AUNIP: variants seen among roughly 807,000 people sequenced by gnomAD.
The protein encoded by AUNIP is aurora kinase A and ninein interacting protein.
In AUNIP, 16 loss-of-function variants were observed where a neutral mutation model predicts 12.2. The observed-to-expected ratio is 1.31, with a 90% CI of 0.88 to 1.99. The LOEUF (loss-of-function observed/expected upper bound fraction) is 1.99. Among genes scored for constraint, AUNIP ranks in the 30% most tolerant of loss-of-function variants. The pLI, the probability that AUNIP is intolerant of heterozygous loss-of-function variation, is 0.00. For synonymous variants in AUNIP, 142 were observed against 154.8 expected (o/e 0.92, Z 0.61); for missense variants, 411 against 419.1 (o/e 0.98, Z 0.17).
intron 1 of AUNIP, among the ~76,000 whole-genome samples, chr1:25,858,710 G>A (rs1047703494): frequency 6.6e-6 from 1 of 152,194 alleles, no homozygotes; most frequent in South Asian, 2.1e-4. Flanking sequence ...CACATATAAC[G>A]CATATTCAGT....
downstream of AUNIP, among the ~76,000 whole-genome samples, chr1:25,833,588 A>G (rs899356874): frequency 6.6e-6 from 1 of 152,066 alleles, no homozygotes; most frequent in African/African-American, 2.4e-5. Flanking sequence ...TCATCTCTAC[A>G]AAATATTTTA....
In AUNIP at chr1:25,835,798, C is replaced by T. The variant is rs768357310; in HGVS notation, c.269G>A (p.Ser90Asn). 5 of 1,614,152 alleles carry T rather than the reference C, an allele frequency of 3.1e-6. No homozygotes were observed. In the South Asian group the frequency reaches 4.4e-5, roughly 14 times the overall value. The change falls in exon 3 of 3, where the codon AGT becomes AAT. Residue 90 changes from serine to asparagine, a missense_variant. Coordinates refer to ENST00000374298, the MANE Select transcript of AUNIP (RefSeq NM_024037.3). ...DQKSVSSHTE[S>N]QINKESKKNA... ...TTTCTTGGACTCTTTGTTGATCTGA[C>T]TTTCTGTATGAGATGAAACACTCTT... is the stretch of plus-strand genomic sequence containing the variant.
chr1:25,832,080 T>C (rs768007186), downstream of AUNIP: 3 of 1,613,458 alleles, frequency 1.9e-6, no homozygotes, highest in Non-Finnish European at 2.5e-6. Context: ...CTTCAATAGC[T>C]GCCTTCCTCA....
chr1:25,844,866 A>C (rs2048371480), intron 1 of AUNIP, among the ~76,000 whole-genome samples: 1 of 152,156 alleles, frequency 6.6e-6, no homozygotes, highest in Admixed American at 6.5e-5. Flanking sequence ...CCCAGCATTA[A>C]TTTGATGACA....
chr1:25,833,119 C>A (rs955088596), downstream of AUNIP, among the ~76,000 whole-genome samples: 10 of 151,974 alleles, frequency 6.6e-5, no homozygotes, highest in African/African-American at 2.4e-4. Context: ...GCCCTATACT[C>A]TTTTTCTTTT....
Position 25,835,179 on chromosome 1 carries a change from C to T in AUNIP, c.888G>A (p.Arg296=). Reference sequence around the variant, plus strand: ...GAGCTCTAGTGTTGTGGGCAATGACCCGCTGGCCTTGAGAATCTTCAGTGA... The same window carrying T: ...GAGCTCTAGTGTTGTGGGCAATGACTCGCTGGCCTTGAGAATCTTCAGTGA... The part of the protein sequence containing the change: ...QLFTEDSQGQ[R]VIAHNTRAPF... Residue 296 remains arginine (R), a synonymous_variant, in exon 3 of 3, where the codon CGG becomes CGA. Coordinates refer to ENST00000374298, the MANE Select transcript of AUNIP (RefSeq NM_024037.3). The T allele has an allele frequency of 6.2e-7, 1 of 1,614,186 alleles. No individual in the cohort carries two copies. Among genetic ancestry groups the T allele is most frequent in the East Asian group, 2.2e-5 (1 of 44,880 alleles).
In AUNIP at chr1:25,859,390, G is replaced by T; in HGVS notation, c.-33C>A. 1.4e-6 allele frequency: 2 copies of T among 1,480,944 alleles called. No individual in the cohort carries two copies. Among genetic ancestry groups the T allele is most frequent in the Middle Eastern group, 1.8e-4 (1 of 5,466 alleles). 91.7% of individuals were successfully genotyped at this position (1,480,944 alleles called of 1,614,324 possible). ...GAGGAGACGAAGCCGGCAGGACGCC[G>T]GCGCAGGCTCCCGGCGCCTCAGGGA... On this transcript the variant is annotated 5_prime_UTR_variant, in exon 1 of 3. Coordinates refer to ENST00000374298, the MANE Select transcript of AUNIP (RefSeq NM_024037.3).
At position 25,834,828 on chromosome 1, in the gene AUNIP, A is replaced by G. The variant is rs958137506; in HGVS notation, c.*165T>C. 5 of 1,450,724 alleles carry G rather than the reference A, an allele frequency of 3.4e-6. No homozygotes were observed. The African/African-American group carries it at 5.7e-5, about 17-fold the overall frequency. The allele number at this position is 1,450,724 out of a possible 1,614,324, so 89.9% of individuals were successfully genotyped here. A position where few individuals can be genotyped will look rare whatever the true frequency, so the allele number is the denominator to read the frequency against. Reference sequence around the variant, plus strand: ...CCATGATGCCAATCCCACTGTCTTAACAATGGTACTGCCCTTTATTTACAC... The same window carrying G: ...CCATGATGCCAATCCCACTGTCTTAGCAATGGTACTGCCCTTTATTTACAC... On this transcript the variant is annotated 3_prime_UTR_variant, in exon 3 of 3. Coordinates refer to ENST00000374298, the MANE Select transcript of AUNIP (RefSeq NM_024037.3).
chr1:25,850,486 A>T (rs1348512673), intron 1 of AUNIP, among the ~76,000 whole-genome samples: 1 of 152,196 alleles, frequency 6.6e-6, no homozygotes, highest in Non-Finnish European at 1.5e-5. Flanking sequence ...AGATGTTGAT[A>T]AGGACTGCAC....
chr1:25,854,548 C>T (rs557979090), intron 1 of AUNIP, among the ~76,000 whole-genome samples: 1 of 152,200 alleles, frequency 6.6e-6, no homozygotes, highest in South Asian at 2.1e-4. Context: ...AAATTATCTT[C>T]CCTCATACAT....
At chr1:25,852,233 T>G (rs2048428260) in intron 1 of AUNIP, among the ~76,000 whole-genome samples, 1 of 152,042 alleles carries the variant, frequency 6.6e-6, no homozygotes, top group African/African-American at 2.4e-5. Context: ...GGATTATAGG[T>G]GTGAGCCACT....
chr1:25,857,167 T>C (rs1194797836), intron 1 of AUNIP, among the ~76,000 whole-genome samples: 1 of 151,896 alleles, frequency 6.6e-6, no homozygotes, highest in Non-Finnish European at 1.5e-5. Flanking sequence ...ACGCATCCCA[T>C]GTCATTCAAG....
At chr1:25,838,416 T>C (rs1020768166) in intron 1 of AUNIP, among the ~76,000 whole-genome samples, 6 of 151,800 alleles carry the variant, frequency 4.0e-5, no homozygotes, top group African/African-American at 1.2e-4. Flanking sequence ...GGCAGAAGAA[T>C]CGCTTTAACC....
downstream of AUNIP, chr1:25,832,368 A>G (rs2048256835): frequency 1.7e-6 from 1 of 584,140 alleles, no homozygotes; most frequent in Non-Finnish European, 3.0e-6. Flanking sequence ...ATTAGACCCT[A>G]TAGCTGGTCT....
In AUNIP at chr1:25,835,647, A is replaced by G. The variant is rs2048296109; in HGVS notation, c.420T>C (p.Ser140=). 1 of 1,614,272 alleles carries G rather than the reference A, an allele frequency of 6.2e-7. No homozygotes were observed. Among genetic ancestry groups the G allele is most frequent in the East Asian group, 2.2e-5 (1 of 44,886 alleles). Residue 140 remains serine (S), a synonymous_variant, in exon 3 of 3, where the codon TCT becomes TCC. Coordinates refer to ENST00000374298, the MANE Select transcript of AUNIP (RefSeq NM_024037.3). ...ATGGGGTTTTCATTCTGTGGTGGCC[A>G]GAAGTCTGGAGGGACTGAGGAGAGA... ...AGLSPQSLQT[S]GHHRMKTPFS... is the part of the protein sequence containing the mutation.
At chr1:25,851,121 A>G (rs1667665265) in intron 1 of AUNIP, among the ~76,000 whole-genome samples, 1 of 152,156 alleles carries the variant, frequency 6.6e-6, no homozygotes, top group African/African-American at 2.4e-5. Context: ...TTCTGTGTCT[A>G]TTGACATGAT....
At chr1:25,858,820 G>T (rs2048483044) in intron 1 of AUNIP, among the ~76,000 whole-genome samples, 1 of 152,122 alleles carries the variant, frequency 6.6e-6, no homozygotes. Flanking sequence ...ACCGGTTCTG[G>T]GCAGGTAGTT....
intron 1 of AUNIP, among the ~76,000 whole-genome samples, chr1:25,858,388 G>A (rs917708016): frequency 3.9e-5 from 6 of 152,158 alleles, no homozygotes; most frequent in Admixed American, 3.9e-4. Context: ...AAGACTGTGA[G>A]CAACCTGAGA....
rs759976302 is a variant in AUNIP at position 25,835,291 on chromosome 1, A to G, written c.776T>C (p.Ile259Thr). The G allele has an allele frequency of 6.0e-5, 97 of 1,614,118 alleles. No homozygotes were observed. Among genetic ancestry groups the G allele is most frequent in the Non-Finnish European group, 8.2e-5 (97 of 1,179,992 alleles). The change falls in exon 3 of 3, where the codon ATA becomes ACA. Residue 259 changes from isoleucine (I) to threonine (T), a missense_variant. Coordinates refer to ENST00000374298, the MANE Select transcript of AUNIP (RefSeq NM_024037.3). ...TYRESWNGEN[I>T]ESVKQSRSPV... is the part of the protein sequence containing the mutation. ...ACTACGGCTTTGTTTCACTGATTCT[A>G]TGTTTTCTCCATTCCAGGATTCCCT... is the stretch of plus-strand genomic sequence containing the variant.
Sources: gnomAD v4.1 joint callset for allele counts (sites outside exome capture counted in the v4.1 genomes callset) on GRCh38, gnomAD v4.1.1 for gene constraint, MANE v1.5 for transcripts, NCBI Gene and HGNC (gene_info 2026-07-23, HGNC 2026-07-21) for gene names.